TBL1XR1: variants seen among roughly 807,000 people sequenced by gnomAD.
The protein encoded by TBL1XR1 is F-box-like/WD repeat-containing protein TBL1XR1.
Under a neutral mutation model 66.9 loss-of-function variants are expected in TBL1XR1, and 5 were observed. The ratio of observed to expected loss-of-function variants is 0.07; its 90% confidence interval spans 0.04 to 0.16. The LOEUF is 0.16. TBL1XR1 is among the 10% of genes least tolerant of loss of function. The pLI, the probability that TBL1XR1 is intolerant of heterozygous loss-of-function variation, is 1.00. For synonymous variants in TBL1XR1, 210 were observed against 206.0 expected, an observed-to-expected ratio of 1.02 and a Z score of -0.17; for missense variants, 238 against 623.2, an observed-to-expected ratio of 0.38 and a Z score of 6.58.
chr3:177,091,416 A>G (rs1722832739), intron 2 of TBL1XR1, among the ~76,000 whole-genome samples: 1 of 152,058 alleles, frequency 6.6e-6, no homozygotes, highest in Non-Finnish European at 1.5e-5. Context: ...ATTATATAAC[A>G]TAAATATATA....
chr3:177,127,899 T>C (rs937197062), intron 1 of TBL1XR1, among the ~76,000 whole-genome samples: 1 of 152,170 alleles, frequency 6.6e-6, no homozygotes, highest in Non-Finnish European at 1.5e-5. Flanking sequence ...AAACATTTAC[T>C]ATCAGTTATC....
At chr3:177,183,323 G>C (rs1359209663) in intron 1 of TBL1XR1, among the ~76,000 whole-genome samples, 1 of 152,116 alleles carries the variant, frequency 6.6e-6, no homozygotes, top group African/African-American at 2.4e-5. Context: ...GTGTGCATAA[G>C]TTCCTGATAA....
chr3:177,150,030 CATACT>C (rs1730698310), intron 1 of TBL1XR1, among the ~76,000 whole-genome samples: 1 of 152,142 alleles, frequency 6.6e-6, no homozygotes, highest in Non-Finnish European at 1.5e-5. Context: ...CCATATGTAG[CATACT>C]ATACAATTTA....
chr3:177,184,703 A>C (rs984548406), intron 1 of TBL1XR1, among the ~76,000 whole-genome samples: 5 of 152,076 alleles, frequency 3.3e-5, no homozygotes, highest in African/African-American at 7.2e-5. Context: ...CAGGAGGCTG[A>C]GACAGGAGAA....
chr3:177,161,901 A>G (rs1732256716), intron 1 of TBL1XR1, among the ~76,000 whole-genome samples: 1 of 152,190 alleles, frequency 6.6e-6, no homozygotes, highest in African/African-American at 2.4e-5. Flanking sequence ...TATAACCACA[A>G]TGAGACACCA....
chr3:177,096,761 C>T (rs549758924), intron 2 of TBL1XR1, among the ~76,000 whole-genome samples: 1 of 152,320 alleles, frequency 6.6e-6, no homozygotes, highest in African/African-American at 2.4e-5. Flanking sequence ...TGGGAAACAG[C>T]AGATCTAGTG....
intron 1 of TBL1XR1, among the ~76,000 whole-genome samples, chr3:177,169,414 T>C (rs533228203): frequency 2.4e-4 from 36 of 152,328 alleles, no homozygotes; most frequent in African/African-American, 8.4e-4. Flanking sequence ...ACATTTCAGT[T>C]ACTATCACAA....
At chr3:177,103,603 A>C (rs1219810939) in intron 1 of TBL1XR1, among the ~76,000 whole-genome samples, 1 of 152,186 alleles carries the variant, frequency 6.6e-6, no homozygotes, top group African/African-American at 2.4e-5. Context: ...AAAATACTAC[A>C]TTGCAGTCTC....
In TBL1XR1 at chr3:177,082,738, T is replaced by TTTTATATATATA. The variant is rs1450061640; in HGVS notation, c.-46+15727_-46+15728insTATATATATAAA. ...TATTACTAAATTTCTAAGATAGAGA[T>TTTTATATATATA]TATATATATATATATATATATATAT... On this transcript the variant is annotated intron_variant, in intron 2 of 15. Coordinates refer to ENST00000457928, the MANE Select transcript of TBL1XR1 (RefSeq NM_024665.7). Among the ~76,000 whole-genome samples the TTTTATATATATA allele has an allele frequency of 5.3e-3, 332 of 63,218 alleles. 27 individuals are homozygous for TTTTATATATATA. Among genetic ancestry groups the TTTTATATATATA allele is most frequent in the East Asian group, 0.048 (96 of 2,006 alleles). The allele number at this position is 63,218 out of a possible 152,430, so 41.5% of individuals were successfully genotyped here. A position where few individuals can be genotyped will look rare whatever the true frequency, so the allele number is the denominator to read the frequency against.
chr3:177,054,680 G>A (rs757173640), intron 3 of TBL1XR1, among the ~76,000 whole-genome samples: 2 of 151,942 alleles, frequency 1.3e-5, no homozygotes, highest in African/African-American at 4.8e-5. Context: ...AAATCATAAC[G>A]GTTAAATCTC....
chr3:177,059,437 G>A (rs1272851970), intron 3 of TBL1XR1, among the ~76,000 whole-genome samples: 1 of 152,182 alleles, frequency 6.6e-6, no homozygotes, highest in African/African-American at 2.4e-5. Context: ...GTTAGTTTGT[G>A]CCTACTGTGA....
At chr3:177,190,133 C>CAAAAAAAAAAAAAAAAAAAAA (rs548783302) in intron 1 of TBL1XR1, among the ~76,000 whole-genome samples, 1 of 69,394 alleles carries the variant, frequency 1.4e-5, no homozygotes, top group African/African-American at 6.4e-5. Flanking sequence ...AACTCCATCT[C>CAAAAAAAAAAAAAAAAAAAAA]AAAAAAAAAA....
At chr3:177,026,495 A>G in intron 14 of TBL1XR1, 21 bp from the exon 15 acceptor site, 1 of 1,536,982 alleles carries the variant, frequency 6.5e-7, no homozygotes, top group Non-Finnish European at 8.8e-7. Context: ...GAAAAACAAA[A>G]TCTTAAAAAT....
At chr3:177,089,527 G>GT (rs1722569127) in intron 2 of TBL1XR1, among the ~76,000 whole-genome samples, 1 of 152,182 alleles carries the variant, frequency 6.6e-6, no homozygotes, top group Non-Finnish European at 1.5e-5. Flanking sequence ...CAGGCAGTCG[G>GT]TATCAGCCTC....
intron 1 of TBL1XR1, among the ~76,000 whole-genome samples, chr3:177,162,480 A>C (rs2108893392): frequency 6.6e-6 from 1 of 152,380 alleles, no homozygotes; most frequent in African/African-American, 2.4e-5. Context: ...ATTTATGGTA[A>C]CAGAAATTAG....
At chr3:177,174,069 C>T (rs773247423) in intron 1 of TBL1XR1, among the ~76,000 whole-genome samples, 4 of 152,098 alleles carry the variant, frequency 2.6e-5, no homozygotes, top group Non-Finnish European at 5.9e-5. Context: ...CGATTTTTCA[C>T]GTGACTATTC....
chr3:177,057,800 C>T (rs1717990056), intron 3 of TBL1XR1, among the ~76,000 whole-genome samples: 1 of 152,102 alleles, frequency 6.6e-6, no homozygotes, highest in Non-Finnish European at 1.5e-5. Flanking sequence ...GTACTCTAAA[C>T]ACTGACTAGG....
At chr3:177,201,740 C>T (rs1737344438), upstream of TBL1XR1, 1 of 152,154 alleles carries the variant, frequency 6.6e-6, no homozygotes, top group African/African-American at 2.4e-5. Flanking sequence ...TTTACTCACC[C>T]TGGAATTCAG....
intron 1 of TBL1XR1, among the ~76,000 whole-genome samples, chr3:177,152,779 AC>A (rs540142728): frequency 1.3e-5 from 2 of 152,118 alleles, no homozygotes; most frequent in Non-Finnish European, 2.9e-5. Context: ...ATCCCTAATT[AC>A]CTTATTATTG....
Sources: allele counts gnomAD v4.1 joint callset (sites outside exome capture counted in the v4.1 genomes callset), GRCh38; gene constraint gnomAD v4.1.1; transcripts MANE v1.5; gene names NCBI Gene and HGNC (gene_info 2026-07-23, HGNC 2026-07-21).